Variants in CNTNAP2 observed in about 807,000 individuals in gnomAD.
The protein encoded by CNTNAP2 is contactin associated protein 2, also known as contactin-associated protein-like 2.
In CNTNAP2, 98 loss-of-function variants were observed where a neutral mutation model predicts 155.2. The ratio of observed to expected loss-of-function variants is 0.63; its 90% CI spans 0.54 to 0.75. The LOEUF is 0.75. Among genes scored for constraint, CNTNAP2 ranks in the 30% least tolerant of loss-of-function variants. The probability of loss-of-function intolerance (pLI) is 0.00; values close to 1 mark genes in which losing one functional copy is unlikely to be tolerated. For missense variants in CNTNAP2, 1,727 were observed against 1,688.1 expected, an observed-to-expected ratio of 1.02 and a Z score of -0.40; for synonymous variants, 651 against 631.2, an observed-to-expected ratio of 1.03 and a Z score of -0.47.
At chr7:146,468,511 C>G (rs1417469736) in intron 1 of CNTNAP2, among the ~76,000 whole-genome samples, 1 of 151,728 alleles carries the variant, frequency 6.6e-6, no homozygotes, top group East Asian at 1.9e-4. Flanking sequence ...ACAACCCAGT[C>G]TAATGAGTTT....
At chr7:147,128,952 CA>C in intron 7 of CNTNAP2, 116 bp downstream of exon 7, 2 of 1,344,210 alleles carry the variant, frequency 1.5e-6, no homozygotes, top group South Asian at 1.2e-5. Flanking sequence ...TGTGTTTGGG[CA>C]AAATGATGTA....
At chr7:148,397,905 C>T (rs1366572403) in intron 22 of CNTNAP2, among the ~76,000 whole-genome samples, 1 of 152,210 alleles carries the variant, frequency 6.6e-6, no homozygotes, top group Non-Finnish European at 1.5e-5. Flanking sequence ...CTCAGGTTAA[C>T]TCAAGAAGAG....
At chr7:147,218,476 C>T (rs955320199) in intron 8 of CNTNAP2, among the ~76,000 whole-genome samples, 1 of 151,736 alleles carries the variant, frequency 6.6e-6, no homozygotes, top group African/African-American at 2.4e-5. Flanking sequence ...TTAAATTTCT[C>T]TTGAAATTTC....
intron 9 of CNTNAP2, among the ~76,000 whole-genome samples, chr7:147,357,685 A>C (rs1223151793): frequency 6.6e-6 from 1 of 152,106 alleles, no homozygotes; most frequent in East Asian, 1.9e-4. Context: ...AGTCTAGCTT[A>C]GCAGACTTCC....
intron 3 of CNTNAP2, among the ~76,000 whole-genome samples, chr7:146,979,133 T>TAACAATTTG (rs1409066145): frequency 6.6e-6 from 1 of 152,162 alleles, no homozygotes; most frequent in African/African-American, 2.4e-5. Flanking sequence ...TTGTTAGTGG[T>TAACAATTTG]AACAATTTGA....
chr7:147,503,356 T>C (rs748915077), intron 11 of CNTNAP2, among the ~76,000 whole-genome samples: 4 of 152,210 alleles, frequency 2.6e-5, no homozygotes, highest in Non-Finnish European at 5.9e-5. Context: ...AGTGTCCACA[T>C]TGATCCAGTA....
At chr7:147,407,585 C>T (rs1364563931) in intron 10 of CNTNAP2, among the ~76,000 whole-genome samples, 1 of 150,590 alleles carries the variant, frequency 6.6e-6, no homozygotes, top group Non-Finnish European at 1.5e-5. Context: ...AGGTCAAGGC[C>T]ACTGGTACTA....
intron 20 of CNTNAP2, among the ~76,000 whole-genome samples, chr7:148,232,075 C>T (rs747391793): frequency 6.6e-6 from 1 of 152,114 alleles, no homozygotes; most frequent in African/African-American, 2.4e-5. Flanking sequence ...TCCCAACCCA[C>T]GTGAGGGCAA....
chr7:147,347,378 C>T (rs1031843030), intron 9 of CNTNAP2, among the ~76,000 whole-genome samples: 5 of 138,406 alleles, frequency 3.6e-5, no homozygotes, highest in African/African-American at 1.0e-4. Flanking sequence ...TGATGGGCAC[C>T]AGAGACTACC....
intron 13 of CNTNAP2, among the ~76,000 whole-genome samples, chr7:147,883,628 T>A (rs1799558477): frequency 6.6e-6 from 1 of 152,118 alleles, no homozygotes; most frequent in Non-Finnish European, 1.5e-5. Flanking sequence ...ACTGATTAGG[T>A]GTGATAAAGT....
At chr7:147,765,832 T>C (rs879486519) in intron 13 of CNTNAP2, among the ~76,000 whole-genome samples, 1 of 151,986 alleles carries the variant, frequency 6.6e-6, no homozygotes, top group Admixed American at 6.6e-5. Flanking sequence ...TAAATCAACA[T>C]GGAAATGAAT....
At chr7:147,852,397 C>G (rs1042070514) in intron 13 of CNTNAP2, among the ~76,000 whole-genome samples, 4 of 152,264 alleles carry the variant, frequency 2.6e-5, no homozygotes, top group Middle Eastern at 3.4e-3. Context: ...ATTCCTTGAT[C>G]TACGAGTGAC....
intron 21 of CNTNAP2, among the ~76,000 whole-genome samples, chr7:148,362,330 A>C (rs1485742823): frequency 6.6e-6 from 1 of 152,208 alleles, no homozygotes; most frequent in Non-Finnish European, 1.5e-5. Context: ...TGGGGATTAC[A>C]GTTCAAGGTG....
At chr7:147,546,790 T>C (rs1186953007) in intron 11 of CNTNAP2, among the ~76,000 whole-genome samples, 1 of 152,172 alleles carries the variant, frequency 6.6e-6, no homozygotes, top group Non-Finnish European at 1.5e-5. Context: ...ACATCGCAGA[T>C]CTTTCTGCCC....
At chr7:146,366,291 A>G (rs976485607) in intron 1 of CNTNAP2, among the ~76,000 whole-genome samples, 1 of 152,118 alleles carries the variant, frequency 6.6e-6, no homozygotes, top group Non-Finnish European at 1.5e-5. Flanking sequence ...AATTTTTTAA[A>G]TGCCAGAATT....
At chr7:147,837,529 G>A (rs916853228) in intron 13 of CNTNAP2, among the ~76,000 whole-genome samples, 2 of 151,858 alleles carry the variant, frequency 1.3e-5, no homozygotes, top group African/African-American at 4.8e-5. Flanking sequence ...CTTCCCAACA[G>A]TCCCCCAAAG....
intron 3 of CNTNAP2, among the ~76,000 whole-genome samples, chr7:146,978,960 A>G (rs140256042): frequency 6.6e-6 from 1 of 152,244 alleles, no homozygotes; most frequent in East Asian, 1.9e-4. Flanking sequence ...GATTTTGAGT[A>G]AGGTTAATTT....
intron 1 of CNTNAP2, among the ~76,000 whole-genome samples, chr7:146,339,010 C>T (rs1318111604): frequency 2.0e-5 from 3 of 151,944 alleles, no homozygotes; most frequent in African/African-American, 7.3e-5. Context: ...TGGTGAAACC[C>T]CTTCTCTAAT....
chr7:147,510,047 A>G (rs569162391), intron 11 of CNTNAP2, among the ~76,000 whole-genome samples: 2 of 152,206 alleles, frequency 1.3e-5, no homozygotes, highest in African/African-American at 4.8e-5. Context: ...CTTCTGATTC[A>G]TAAGGTCTAT....
Sources: allele counts gnomAD v4.1 joint callset (sites outside exome capture counted in the v4.1 genomes callset), GRCh38; gene constraint gnomAD v4.1.1; transcripts MANE v1.5; gene names NCBI Gene and HGNC (gene_info 2026-07-23, HGNC 2026-07-21).